The following APBB1IP variants were observed in gnomAD, a reference collection of about 807,000 sequenced individuals.
APBB1IP encodes amyloid beta A4 precursor protein-binding family B member 1-interacting protein.
Under a neutral mutation model 64.9 loss-of-function variants are expected in APBB1IP, and 27 were observed. That is an observed-to-expected ratio of 0.42 (90% CI 0.31 to 0.57). The LOEUF is 0.57. Ranked by LOEUF, APBB1IP falls within the 20% of genes least tolerant of loss-of-function variation. The probability of loss-of-function intolerance (pLI) is 0.20; values close to 1 mark genes in which losing one functional copy is unlikely to be tolerated. For missense variants in APBB1IP, 812 were observed against 845.5 expected (o/e 0.96, Z 0.49); for synonymous variants, 392 against 331.0 (o/e 1.18, Z -2.00).
chr10:26,567,233 C>T lies in APBB1IP; in HGVS notation c.1746C>T (p.Phe582=), dbSNP rs1837061257. The T allele has an allele frequency of 3.0e-6, 4 of 1,343,148 alleles. No homozygotes were observed. The highest frequency in any genetic ancestry group is 1.6e-5 in the South Asian group (1 of 61,616). The allele number at this position is 1,343,148 out of a possible 1,614,324, so 83.2% of individuals were successfully genotyped here. ...ACTTCATGGAGCCGCCCCCAGACTT[C>T]GTGCCCCCGCCCCCGCCGTCGTACG... ...PPDFMEPPPD[F]VPPPPPSYAG... Residue 582 remains phenylalanine, a synonymous_variant, in exon 15 of 15, where the codon TTC becomes TTT. Coordinates refer to ENST00000376236, the MANE Select transcript of APBB1IP (RefSeq NM_019043.4).
chr10:26,540,822 C>T (rs1836687919), intron 10 of APBB1IP, among the ~76,000 whole-genome samples: 1 of 152,166 alleles, frequency 6.6e-6, no homozygotes, highest in South Asian at 2.1e-4. Flanking sequence ...GCAACACTGC[C>T]TGCAGTAAAG....
chr10:26,470,598 TAAGTTCTG>T (rs1835704917), intron 2 of APBB1IP, among the ~76,000 whole-genome samples: 1 of 152,218 alleles, frequency 6.6e-6, no homozygotes, highest in Non-Finnish European at 1.5e-5. Context: ...TAGGCTAGTG[TAAGTTCTG>T]AATACATTTA....
intron 6 of APBB1IP, among the ~76,000 whole-genome samples, chr10:26,506,373 A>C (rs1032482941): frequency 2.0e-5 from 3 of 151,964 alleles, no homozygotes; most frequent in Non-Finnish European, 4.4e-5. Flanking sequence ...CAGCCTCCCA[A>C]GTAGCTGAGA....
At chr10:26,555,388 C>T (rs772696720) in intron 11 of APBB1IP, among the ~76,000 whole-genome samples, 17 of 152,192 alleles carry the variant, frequency 1.1e-4, no homozygotes, top group African/African-American at 4.1e-4. Context: ...CAGAATTTCT[C>T]CATGTTCTCC....
In APBB1IP at chr10:26,500,941, C is replaced by T. The variant is rs138851282; in HGVS notation, c.283C>T (p.His95Tyr). 5.6e-6 allele frequency: 9 copies of T among 1,614,184 alleles called. No homozygotes were observed. The highest frequency in any genetic ancestry group is 1.3e-5 in the African/African-American group (1 of 75,054). The change falls in exon 5 of 15, where the codon CAT becomes TAT. Residue 95 changes from histidine to tyrosine, a missense_variant. Around this residue, in one of 3 missense-constraint regions of APBB1IP, gnomAD observed 394 missense variants for 413.1 expected, o/e 0.95. Coordinates refer to ENST00000376236, the MANE Select transcript of APBB1IP (RefSeq NM_019043.4). Reference sequence around the variant, plus strand: ...GAAAGAGTCCTTGCAGAATCAACATCATTCAGCATCTCTACAAGCATCAAT... The same window carrying T: ...GAAAGAGTCCTTGCAGAATCAACATTATTCAGCATCTCTACAAGCATCAAT... Reference protein sequence around the residue: ...AQKESLQNQHHSASLQASIFS... With the variant: ...AQKESLQNQHYSASLQASIFS...
intron 9 of APBB1IP, among the ~76,000 whole-genome samples, chr10:26,534,625 C>T (rs1836597268): frequency 2.0e-5 from 3 of 152,148 alleles, no homozygotes; most frequent in Admixed American, 2.0e-4. Flanking sequence ...CATGTCTTTT[C>T]CCTGCCTGCT....
At chr10:26,557,726 G>T (rs1393216011) in intron 11 of APBB1IP, among the ~76,000 whole-genome samples, 1 of 152,094 alleles carries the variant, frequency 6.6e-6, no homozygotes, top group Non-Finnish European at 1.5e-5. Context: ...AGTCTATAAA[G>T]GTCTTGTTAT....
At chr10:26,473,999 C>CAAA (rs35712977) in intron 2 of APBB1IP, among the ~76,000 whole-genome samples, 20 of 67,328 alleles carry the variant, frequency 3.0e-4, no homozygotes, top group African/African-American at 8.9e-4. Flanking sequence ...CACCCTGTCT[C>CAAA]AAAAAAAAAA....
At chr10:26,449,179 T>C (rs1028456275) in intron 2 of APBB1IP, among the ~76,000 whole-genome samples, 1 of 152,216 alleles carries the variant, frequency 6.6e-6, no homozygotes, top group Non-Finnish European at 1.5e-5. Flanking sequence ...AGTGGCTTAG[T>C]CTTTTAAAAG....
intron 2 of APBB1IP, among the ~76,000 whole-genome samples, chr10:26,471,890 G>A (rs373892393): frequency 1.3e-5 from 2 of 152,074 alleles, no homozygotes; most frequent in Non-Finnish European, 2.9e-5. Context: ...TCACCATGTT[G>A]GCCAAGATGG....
chr10:26,559,000 G>A (rs1489119011), intron 11 of APBB1IP, among the ~76,000 whole-genome samples: 1 of 152,144 alleles, frequency 6.6e-6, no homozygotes, highest in Non-Finnish European at 1.5e-5. Context: ...GCCCACTTGG[G>A]CAGCACATAG....
At position 26,499,756 on chromosome 10, in the gene APBB1IP, AG is replaced by A. The variant is rs372082814; in HGVS notation, c.161-1061del. On this transcript the variant is annotated intron_variant, in intron 4 of 14. Transcript: ENST00000376236. ...AATCTCACACCTGGAAGAAATCCTA[AG>A]GAGATCTCTCCTCCCTCCCTCTCAC... 2.0e-4 allele frequency among the ~76,000 whole-genome samples: 31 copies of A among 152,292 alleles called. No homozygotes were observed. In the East Asian group the frequency reaches 3.9e-3, roughly 19 times the overall value.
Position 26,506,257 on chromosome 10 carries a change from G to T in APBB1IP, c.531+2983G>T, listed in dbSNP as rs894662246. ...AACACTACCGTGTGTGTGTGGGGGGGGGGGGTGGGGGGCAAGGTCTTGCTC... is the reference window on the plus strand; with the variant it reads ...AACACTACCGTGTGTGTGTGGGGGGTGGGGGTGGGGGGCAAGGTCTTGCTC... On this transcript the variant is annotated intron_variant, in intron 6 of 14. Coordinates refer to ENST00000376236, the MANE Select transcript of APBB1IP (RefSeq NM_019043.4). Among the ~76,000 whole-genome samples, 42 of 140,950 alleles carry T rather than the reference G, an allele frequency of 3.0e-4. 2 individuals carry two copies. The highest frequency in any genetic ancestry group is 1.5e-3 in the Admixed American group (22 of 14,286). 92.5% of individuals were successfully genotyped at this position (140,950 alleles called of 152,430 possible). A position where few individuals can be genotyped will look rare whatever the true frequency, so the allele number is the denominator to read the frequency against.
intron 2 of APBB1IP, among the ~76,000 whole-genome samples, chr10:26,450,690 C>CTTTTTT (rs10685344): frequency 7.2e-6 from 1 of 138,892 alleles, no homozygotes; most frequent in African/African-American, 2.7e-5. Flanking sequence ...AACTCAGATT[C>CTTTTTT]TTTTTTTTTT....
intron 2 of APBB1IP, among the ~76,000 whole-genome samples, chr10:26,474,266 C>G (rs993829068): frequency 6.6e-6 from 1 of 152,204 alleles, no homozygotes; most frequent in South Asian, 2.1e-4. Context: ...TGTGCTCTGC[C>G]TAGGGCTGAT....
chr10:26,554,084 C>G (rs552119169), intron 11 of APBB1IP, among the ~76,000 whole-genome samples: 1 of 152,278 alleles, frequency 6.6e-6, no homozygotes, highest in South Asian at 2.1e-4. Flanking sequence ...TTCCCTAGCT[C>G]CACACGTGCA....
intron 8 of APBB1IP, among the ~76,000 whole-genome samples, chr10:26,520,189 CT>C (rs1232319583): frequency 6.6e-6 from 1 of 152,200 alleles, no homozygotes; most frequent in African/African-American, 2.4e-5. Flanking sequence ...TGCTTACTTG[CT>C]TTCTGCTTTT....
chr10:26,496,923 C>T (rs1248008279), intron 4 of APBB1IP, among the ~76,000 whole-genome samples: 1 of 151,960 alleles, frequency 6.6e-6, no homozygotes, highest in African/African-American at 2.4e-5. Flanking sequence ...CATGATGGCT[C>T]ACACCTGTGA....
intron 10 of APBB1IP, among the ~76,000 whole-genome samples, chr10:26,541,217 T>C (rs1836692552): frequency 6.6e-6 from 1 of 152,240 alleles, no homozygotes. Flanking sequence ...TACATATGCA[T>C]AACGTACATA....
Sources: gnomAD v4.1 joint callset for allele counts (sites outside exome capture counted in the v4.1 genomes callset) on GRCh38, gnomAD v4.1.1 for gene constraint, gnomAD v4.1.1 regional missense constraint, MANE v1.5 for transcripts, NCBI Gene and HGNC (gene_info 2026-07-23, HGNC 2026-07-21) for gene names.